Variants in RORA observed in about 807,000 individuals in gnomAD.
The protein encoded by RORA is RAR related orphan receptor A, also known as nuclear receptor ROR-alpha.
RORA carries 7 observed loss-of-function variants against 69.5 expected under a neutral mutation model. That is an observed-to-expected ratio of 0.10 (90% CI 0.06 to 0.19). The LOEUF is 0.19. Among genes scored for constraint, RORA ranks in the 10% least tolerant of loss-of-function variants. RORA has a pLI of 1.00. For synonymous variants in RORA, 261 were observed against 240.8 expected (o/e 1.08, Z -0.78); for missense variants, 457 against 663.0 (o/e 0.69, Z 3.41).
At chr15:60,558,814 G>T (rs1251351118) in intron 2 of RORA, among the ~76,000 whole-genome samples, 10 of 152,090 alleles carry the variant, frequency 6.6e-5, no homozygotes, top group Admixed American at 2.6e-4. Context: ...CTGAAGATCA[G>T]GTAGCAATGT....
At chr15:60,670,264 C>T (rs964024751) in intron 2 of RORA, among the ~76,000 whole-genome samples, 5 of 148,286 alleles carry the variant, frequency 3.4e-5, no homozygotes, top group Admixed American at 6.8e-5. Flanking sequence ...GGTTGGGGTG[C>T]AGTGCTGTGA....
chr15:60,772,698 A>G (rs1439627380), intron 1 of RORA, among the ~76,000 whole-genome samples: 4 of 152,304 alleles, frequency 2.6e-5, no homozygotes, highest in Admixed American at 1.3e-4. Context: ...TGGAGCGTTC[A>G]TGAATGGCAA....
intron 1 of RORA, among the ~76,000 whole-genome samples, chr15:61,135,772 TAAC>T (rs1486954723): frequency 2.6e-5 from 4 of 152,104 alleles, no homozygotes; most frequent in African/African-American, 9.7e-5. Context: ...TTGGAAAATC[TAAC>T]AGACACCGAG....
intron 1 of RORA, among the ~76,000 whole-genome samples, chr15:60,985,519 T>G (rs1894171608): frequency 6.6e-6 from 1 of 151,868 alleles, no homozygotes; most frequent in Non-Finnish European, 1.5e-5. Context: ...TTTGGAAATC[T>G]ATGAAGGTAT....
chr15:60,558,611 T>C (rs2140414354), intron 2 of RORA, among the ~76,000 whole-genome samples: 1 of 152,364 alleles, frequency 6.6e-6, no homozygotes, highest in South Asian at 2.1e-4. Context: ...ATGGTTGGAC[T>C]TCATTAGTAA....
intron 3 of RORA, among the ~76,000 whole-genome samples, chr15:60,515,935 A>ATTTATG (rs1423916935): frequency 5.8e-5 from 1 of 17,256 alleles, no homozygotes; most frequent in African/African-American, 3.2e-4. Flanking sequence ...ATTTATATAT[A>ATTTATG]TATTTATATA....
chr15:60,991,848 G>C lies in RORA; in HGVS notation c.166+237205C>G, dbSNP rs143770823. On this transcript the variant is annotated intron_variant, in intron 1 of 10. Transcript: ENST00000335670. ...TTGATCCCAGGAGGTCAAGGCTATA[G>C]CAAGCCATGACAGCATCCCTGTACT... Among the ~76,000 whole-genome samples the C allele has an allele frequency of 1.0e-3, 158 of 152,102 alleles. 2 individuals carry two copies. The highest frequency in any genetic ancestry group is 7.5e-3 in the East Asian group (39 of 5,174).
intron 1 of RORA, among the ~76,000 whole-genome samples, chr15:61,156,198 G>A (rs559810690): frequency 2.6e-5 from 4 of 152,200 alleles, no homozygotes; most frequent in Admixed American, 1.3e-4. Context: ...GAGGAAAAGA[G>A]AGGAAAACAA....
chr15:61,030,700 CT>C (rs1391427500), intron 1 of RORA, among the ~76,000 whole-genome samples: 1 of 152,124 alleles, frequency 6.6e-6, no homozygotes, highest in Non-Finnish European at 1.5e-5. Flanking sequence ...AATGCCGTGA[CT>C]TTTAAGCACA....
chr15:61,156,043 T>C (rs544517222), intron 1 of RORA, among the ~76,000 whole-genome samples: 1 of 152,262 alleles, frequency 6.6e-6, no homozygotes, highest in South Asian at 2.1e-4. Context: ...CACATGACTT[T>C]TCTGGAAGAT....
chr15:60,561,059 TTTTTTTTTTTTGTTTTGTTTTTG>T lies in RORA; in HGVS notation c.197-29231_197-29209del, dbSNP rs1482028982. 2.2e-4 allele frequency among the ~76,000 whole-genome samples: 31 copies of T among 140,564 alleles called. No individual in the cohort carries two copies. The South Asian group carries it at 6.5e-3, about 29-fold the overall frequency. 92.2% of individuals were successfully genotyped at this position (140,564 alleles called of 152,430 possible). A position where few individuals can be genotyped will look rare whatever the true frequency, so the allele number is the denominator to read the frequency against. On this transcript the variant is annotated intron_variant, in intron 2 of 10. Coordinates refer to ENST00000335670, the MANE Select transcript of RORA (RefSeq NM_134261.3). ...TACATGGGAAGTTTTAACTTGTGTTTTTTTTTTTTTTGTTTTGTTTTTGTTTTTTTTTTTGTTTTTGAGACGGA... is the reference window on the plus strand; with the variant it reads ...TACATGGGAAGTTTTAACTTGTGTTTTTTTTTTTTTTGTTTTTGAGACGGA...
intron 1 of RORA, among the ~76,000 whole-genome samples, chr15:60,920,695 C>T (rs997976452): frequency 6.6e-6 from 1 of 152,188 alleles, no homozygotes; most frequent in East Asian, 1.9e-4. Flanking sequence ...TGTGATGAGA[C>T]CATTGCTATA....
intron 2 of RORA, chr15:60,627,376 C>A (rs1300522386): frequency 1.2e-6 from 2 of 1,614,116 alleles, no homozygotes; most frequent in Non-Finnish European, 1.7e-6. Flanking sequence ...CTCATTCATG[C>A]CTTTTCCTGG....
chr15:60,880,446 C>T (rs372810334), intron 1 of RORA, among the ~76,000 whole-genome samples: 18 of 152,136 alleles, frequency 1.2e-4, no homozygotes, highest in Admixed American at 5.9e-4. Flanking sequence ...CGAGACCGTC[C>T]GGGCCAACAC....
Position 60,600,180 on chromosome 15 carries a change from G to A in RORA, c.197-68329C>T, listed in dbSNP as rs78432226. ...TTCAAATAATGGAGAAAAGATAAGC[G>A]GTTACAGATGGTTTTCCCTATTTTT... is the stretch of plus-strand genomic sequence containing the variant. On this transcript the variant is annotated intron_variant, in intron 2 of 10. Transcript: ENST00000335670. 4.0e-3 allele frequency among the ~76,000 whole-genome samples: 604 copies of A among 152,218 alleles called. 6 individuals are homozygous for A. Among genetic ancestry groups the A allele is most frequent in the African/African-American group, 0.014 (578 of 41,538 alleles).
chr15:60,719,527 G>A (rs765761256), intron 1 of RORA, among the ~76,000 whole-genome samples: 1 of 152,112 alleles, frequency 6.6e-6, no homozygotes, highest in South Asian at 2.1e-4. Context: ...GACTCTTGCC[G>A]TGAAATGCAG....
At chr15:61,223,719 C>T (rs956746955) in intron 1 of RORA, among the ~76,000 whole-genome samples, 3 of 152,002 alleles carry the variant, frequency 2.0e-5, no homozygotes, top group Non-Finnish European at 4.4e-5. Context: ...GAGTAGGAAA[C>T]GGGACTAGTA....
At position 60,488,619 on chromosome 15, in the gene RORA, A is replaced by G. The variant is rs552473012; in HGVS notation, c.*8836T>C. ...AAGTGAAAAGTTGGACGATCCTCTA[A>G]TAAAGATCATTAGCAAAGTTTTAGT... On this transcript the variant is annotated 3_prime_UTR_variant, in exon 11 of 11. Coordinates refer to ENST00000335670, the MANE Select transcript of RORA (RefSeq NM_134261.3). The G allele has an allele frequency of 2.6e-5, 4 of 152,222 alleles. No individual in the cohort carries two copies. The highest frequency in any genetic ancestry group is 5.9e-5 in the Non-Finnish European group (4 of 68,042). 9.4% of individuals were successfully genotyped at this position (152,222 alleles called of 1,614,324 possible). A position where few individuals can be genotyped will look rare whatever the true frequency, so the allele number is the denominator to read the frequency against.
intron 2 of RORA, among the ~76,000 whole-genome samples, chr15:60,634,375 T>C (rs1036737196): frequency 6.6e-6 from 1 of 151,326 alleles, no homozygotes; most frequent in Admixed American, 6.6e-5. Flanking sequence ...GACATTTGTC[T>C]TTCTGAGAGA....
Sources: gnomAD v4.1 joint callset for allele counts (sites outside exome capture counted in the v4.1 genomes callset) on GRCh38, gnomAD v4.1.1 for gene constraint, MANE v1.5 for transcripts, NCBI Gene and HGNC (gene_info 2026-07-23, HGNC 2026-07-21) for gene names.